The following CFAP58 variants were observed in gnomAD, a reference collection of about 807,000 sequenced individuals.
The protein encoded by CFAP58 is cilia and flagella associated protein 58.
In CFAP58, 88 loss-of-function variants were observed where a neutral mutation model predicts 119.5. That is an observed-to-expected ratio of 0.74 (90% CI 0.62 to 0.88). CFAP58 has a LOEUF of 0.88. Among genes scored for constraint, CFAP58 ranks in the 40% least tolerant of loss-of-function variants. CFAP58 has a pLI of 0.00. For synonymous variants in CFAP58, 365 were observed against 366.3 expected, an observed-to-expected ratio of 1.00 and a Z score of 0.04; for missense variants, 990 against 1,021.2, an observed-to-expected ratio of 0.97 and a Z score of 0.42.
chr10:104,451,838 C>T (rs373803590), intron 17 of CFAP58, among the ~76,000 whole-genome samples: 1 of 152,120 alleles, frequency 6.6e-6, no homozygotes, highest in African/African-American at 2.4e-5. Flanking sequence ...AAGCCATTCT[C>T]ATGTCTCAGC....
chr10:104,419,124 T>C (rs756025284), intron 15 of CFAP58, among the ~76,000 whole-genome samples: 2 of 152,198 alleles, frequency 1.3e-5, no homozygotes, highest in Non-Finnish European at 2.9e-5. Flanking sequence ...TTTCTGGGAA[T>C]GCCTGCTTTC....
Position 104,392,312 on chromosome 10 carries a change from T to A in CFAP58, c.1445T>A (p.Ile482Asn). 6.2e-7 allele frequency: 1 copy of A among 1,613,142 alleles called. No homozygotes were observed. The change falls in exon 10 of 18, where the codon ATT (isoleucine) becomes AAT (asparagine). Residue 482 changes from isoleucine to asparagine, a missense_variant. Coordinates refer to ENST00000369704, the MANE Select transcript of CFAP58 (RefSeq NM_001008723.2). ...AGGAAAAAAATAGCTGAATCAGAGA[T>A]TAAATTAAAACAGCAACAGAACCTA... ...DYRKKIAESE[I>N]KLKQQQNLYE...
intron 15 of CFAP58, among the ~76,000 whole-genome samples, chr10:104,429,149 A>T: frequency 6.6e-6 from 1 of 152,030 alleles, no homozygotes; most frequent in Non-Finnish European, 1.5e-5. Context: ...TAGTGCTGGG[A>T]GTGTGCATGG....
At chr10:104,361,833 G>C (rs2014670387) in intron 2 of CFAP58, among the ~76,000 whole-genome samples, 190 bp from the exon 3 acceptor site, 1 of 152,190 alleles carries the variant, frequency 6.6e-6, no homozygotes, top group Admixed American at 6.5e-5. Flanking sequence ...CTATAGGCCT[G>C]TACCACCACG....
chr10:104,386,887 T>A (rs945639007), intron 9 of CFAP58, among the ~76,000 whole-genome samples: 1 of 152,224 alleles, frequency 6.6e-6, no homozygotes, highest in Non-Finnish European at 1.5e-5. Flanking sequence ...GATGATTTTA[T>A]CTGAATTATC....
At chr10:104,354,002 C>T in intron 1 of CFAP58, 96 bp downstream of exon 1, 2 of 1,465,920 alleles carry the variant, frequency 1.4e-6, no homozygotes, top group Non-Finnish European at 9.5e-7. Flanking sequence ...TCCAATATTT[C>T]CCCCCATCAA....
rs188591306 is a variant in CFAP58, at chr10:104,425,985, C to T, written c.2256+19192C>T. Among the ~76,000 whole-genome samples, 625 of 152,280 alleles carry T rather than the reference C, an allele frequency of 4.1e-3. 16 individuals are homozygous for T. Among genetic ancestry groups the T allele is most frequent in the Admixed American group, 0.035 (540 of 15,300 alleles). ...TGCTGGCTCATGCCTATAATCCCAG[C>T]ACTTTGGGAGGCCGAGGTGGTGGAT... is the stretch of plus-strand genomic sequence containing the variant. On this transcript the variant is annotated intron_variant, in intron 15 of 17. Transcript: ENST00000369704.
intron 14 of CFAP58, among the ~76,000 whole-genome samples, chr10:104,406,183 A>G (rs9645570): frequency 0.5 from 76,064 of 152,082 alleles, 19,371 homozygotes; most frequent in African/African-American, 0.59. Context: ...ATTGAGAACT[A>G]TGCCTTTGGA....
In CFAP58 at chr10:104,379,177, G is replaced by A. The variant is rs143728386; in HGVS notation, c.1174-852G>A. Among the ~76,000 whole-genome samples, 494 of 151,508 alleles carry A rather than the reference G, an allele frequency of 3.3e-3. 3 individuals are homozygous for A. Among genetic ancestry groups the A allele is most frequent in the African/African-American group, 0.011 (457 of 41,256 alleles). ...ATTCAGCAGCCACTCTCTATCCCCC[G>A]CTCCTCCCACCCCTGGCAACTACGA... is the stretch of plus-strand genomic sequence containing the variant. On this transcript the variant is annotated intron_variant, in intron 8 of 17. Coordinates refer to ENST00000369704, the MANE Select transcript of CFAP58 (RefSeq NM_001008723.2).
At chr10:104,389,165 C>G (rs2011984370) in intron 9 of CFAP58, among the ~76,000 whole-genome samples, 1 of 152,102 alleles carries the variant, frequency 6.6e-6, no homozygotes, top group Non-Finnish European at 1.5e-5. Context: ...TGAATGATTT[C>G]CATAAAAATA....
upstream of CFAP58, chr10:104,352,060 A>G (rs1157226993): frequency 6.6e-6 from 1 of 152,272 alleles, no homozygotes; most frequent in African/African-American, 2.4e-5. Context: ...ACTAGTAGTT[A>G]GAGAAGTGAA....
chr10:104,417,353 T>C (rs570035504), intron 15 of CFAP58, among the ~76,000 whole-genome samples: 1 of 152,352 alleles, frequency 6.6e-6, no homozygotes, highest in South Asian at 2.1e-4. Context: ...ATAAAGCACT[T>C]AGCACAATGC....
intron 12 of CFAP58, 89 bp from the exon 13 acceptor site, chr10:104,400,591 A>G (rs2012243503): frequency 1.8e-6 from 2 of 1,106,498 alleles, no homozygotes; most frequent in South Asian, 1.3e-5. Flanking sequence ...TGGGCGTTCA[A>G]TAGATACTCA....
chr10:104,442,140 G>A (rs1024463601), intron 15 of CFAP58, among the ~76,000 whole-genome samples: 2 of 151,956 alleles, frequency 1.3e-5, no homozygotes, highest in African/African-American at 4.8e-5. Flanking sequence ...GGTAGTGGGG[G>A]GATGGAAAAA....
At chr10:104,387,842 T>C (rs2011955141) in intron 9 of CFAP58, among the ~76,000 whole-genome samples, 1 of 152,250 alleles carries the variant, frequency 6.6e-6, no homozygotes. Flanking sequence ...ACATTTTATA[T>C]GCCAGAAAAC....
intron 1 of CFAP58, among the ~76,000 whole-genome samples, chr10:104,358,010 CATATATGTACATATATATACAT>C (rs1219682870): frequency 1.6e-5 from 2 of 127,806 alleles, no homozygotes; most frequent in East Asian, 2.0e-4. Context: ...CATATATACA[CATATATGTACATATATATACAT>C]ATGTACATAT....
In CFAP58 at chr10:104,454,826, G is replaced by A. The variant is rs1013368479; in HGVS notation, c.*296G>A. Reference sequence around the variant, plus strand: ...ACTAGACCTTAATTTCTTTATTACAGACATTGGTGTACTTGAAGGTTTTAT... The same window carrying A: ...ACTAGACCTTAATTTCTTTATTACAAACATTGGTGTACTTGAAGGTTTTAT... On this transcript the variant is annotated 3_prime_UTR_variant, in exon 18 of 18. Coordinates refer to ENST00000369704, the MANE Select transcript of CFAP58 (RefSeq NM_001008723.2). 2.2e-5 allele frequency: 6 copies of A among 271,222 alleles called. No homozygotes were observed. Among genetic ancestry groups the A allele is most frequent in the Non-Finnish European group, 4.1e-5 (6 of 146,296 alleles). 16.8% of individuals were successfully genotyped at this position (271,222 alleles called of 1,614,324 possible). A position where few individuals can be genotyped will look rare whatever the true frequency, so the allele number is the denominator to read the frequency against.
intron 9 of CFAP58, among the ~76,000 whole-genome samples, chr10:104,388,701 A>G (rs2011973893): frequency 1.3e-5 from 2 of 152,330 alleles, no homozygotes; most frequent in East Asian, 3.9e-4. Flanking sequence ...TTCCAAATGC[A>G]ATGACCTACT....
chr10:104,428,797 G>A (rs933870146), intron 15 of CFAP58, among the ~76,000 whole-genome samples: 1 of 152,186 alleles, frequency 6.6e-6, no homozygotes, highest in African/African-American at 2.4e-5. Flanking sequence ...ACAGGAAGGC[G>A]GAGAGAGTTT....
Sources: gnomAD v4.1 joint callset for allele counts (sites outside exome capture counted in the v4.1 genomes callset) on GRCh38, gnomAD v4.1.1 for gene constraint, MANE v1.5 for transcripts, NCBI Gene and HGNC (gene_info 2026-07-23, HGNC 2026-07-21) for gene names.